Variants in MARCO observed in about 807,000 individuals in gnomAD.
MARCO encodes macrophage receptor with collagenous structure.
A neutral mutation model predicts 70.0 loss-of-function variants in MARCO; 72 were observed. That is an observed-to-expected ratio of 1.03 (90% CI 0.85 to 1.25). The LOEUF (loss-of-function observed/expected upper bound fraction) is 1.25. Among genes scored for constraint, MARCO ranks in the 50% most tolerant of loss-of-function variants. The probability of loss-of-function intolerance (pLI) is 0.00; values close to 1 mark genes in which losing one functional copy is unlikely to be tolerated. For synonymous variants in MARCO, 273 were observed against 243.1 expected, an observed-to-expected ratio of 1.12 and a Z score of -1.14; for missense variants, 696 against 659.3, an observed-to-expected ratio of 1.06 and a Z score of -0.61.
chr2:118,976,461 G>A (rs959455543), intron 6 of MARCO, among the ~76,000 whole-genome samples: 2 of 151,784 alleles, frequency 1.3e-5, no homozygotes, highest in Non-Finnish European at 2.9e-5. Context: ...TTTCCACTTT[G>A]CCTCCTGGAT....
chr2:118,948,501 G>A (rs566861288), intron 1 of MARCO, among the ~76,000 whole-genome samples: 2 of 152,306 alleles, frequency 1.3e-5, no homozygotes, highest in South Asian at 2.1e-4. Context: ...CAGTTACATA[G>A]GCTAGGGCTT....
intron 1 of MARCO, among the ~76,000 whole-genome samples, chr2:118,954,296 T>C (rs983607761): frequency 7.2e-5 from 11 of 152,104 alleles, no homozygotes; most frequent in Admixed American, 5.9e-4. Context: ...GACTGCCAGC[T>C]TTCCCCCACT....
At chr2:118,951,819 C>T (rs533973513) in intron 1 of MARCO, among the ~76,000 whole-genome samples, 36 of 152,096 alleles carry the variant, frequency 2.4e-4, no homozygotes, top group Non-Finnish European at 4.6e-4. Context: ...CTCTGTCTCT[C>T]TCTCTCTTTT....
chr2:118,948,695 T>TCTTGG (rs1679651259), intron 1 of MARCO, among the ~76,000 whole-genome samples: 1 of 152,226 alleles, frequency 6.6e-6, no homozygotes, highest in Non-Finnish European at 1.5e-5. Context: ...GCTTAACATG[T>TCTTGG]CTTGGCTTAG....
chr2:118,958,241 T>A (rs1679875180), intron 1 of MARCO, among the ~76,000 whole-genome samples: 2 of 151,984 alleles, frequency 1.3e-5, no homozygotes, highest in Admixed American at 6.6e-5. Context: ...GACTGCTTAC[T>A]TTGAAAACCT....
At chr2:118,952,369 G>T (rs1355508227) in intron 1 of MARCO, among the ~76,000 whole-genome samples, 2 of 152,128 alleles carry the variant, frequency 1.3e-5, no homozygotes, top group African/African-American at 4.8e-5. Context: ...GGGAGAATTA[G>T]GCCCCTTTTA....
intron 15 of MARCO, 157 bp from the exon 16 acceptor site, chr2:118,992,967 G>T: frequency 2.9e-6 from 2 of 686,914 alleles, no homozygotes; most frequent in Non-Finnish European, 4.9e-6. Context: ...GGTTGGGTTG[G>T]CACTGTAAAG....
rs999683053 is a variant in MARCO at position 118,984,045 on chromosome 2, C to A, written c.1063+1635C>A. ...AGTGGGACAAGCACTCTTTGTAGCA[C>A]AACTTTACGGTCAAACAGCCATTAA... On this transcript the variant is annotated intron_variant, in intron 12 of 16. Coordinates refer to ENST00000327097, the MANE Select transcript of MARCO (RefSeq NM_006770.4). 5.9e-5 allele frequency among the ~76,000 whole-genome samples: 9 copies of A among 152,300 alleles called. No individual in the cohort carries two copies. In the South Asian group the frequency reaches 1.9e-3, roughly 32 times the overall value.
chr2:118,977,216 A>G (rs1573397945), intron 6 of MARCO, among the ~76,000 whole-genome samples: 2 of 150,984 alleles, frequency 1.3e-5, no homozygotes, highest in Admixed American at 1.3e-4. Flanking sequence ...GGACACTTTC[A>G]TGCCATAGCA....
rs1232279605 is a variant in MARCO, at chr2:118,993,129, A to G, written c.1258A>G (p.Asn420Asp). 1 of 1,614,186 alleles carries G rather than the reference A, an allele frequency of 6.2e-7. No homozygotes were observed. The highest frequency in any genetic ancestry group is 1.7e-5 in the Admixed American group (1 of 60,026). The change falls in exon 16 of 17, where the codon AAC (asparagine) becomes GAC (aspartate). Residue 420 changes from asparagine to aspartate, a missense_variant. Asn to Asp is a conservative substitution (Grantham distance 23). Around this residue, in one of 3 missense-constraint regions of MARCO, gnomAD observed 605 missense variants for 537.6 expected, o/e 1.13. Coordinates refer to ENST00000327097, the MANE Select transcript of MARCO (RefSeq NM_006770.4). ...ATGTGTGTTTCTTCACCCAGGTGAA[A>G]ACTCAGTGTCCGTCAGGATTGTCGG... is the stretch of plus-strand genomic sequence containing the variant. ...VKGEKGERGE[N>D]SVSVRIVGSS...
At chr2:118,990,563 C>G (rs200424222) in intron 12 of MARCO, 26 bp from the exon 13 acceptor site, 3 of 1,528,990 alleles carry the variant, frequency 2.0e-6, no homozygotes, top group African/African-American at 2.7e-5. Context: ...ATCTCCTCCC[C>G]CCCCCCTTTT....
At position 118,973,385 on chromosome 2, in the gene MARCO, GTCTCTCTC is replaced by G. The variant is rs145508451; in HGVS notation, c.461-936_461-929del. Reference sequence around the variant, plus strand: ...CAGTCTCTCTCTGTCTCTGACTTCTGTCTCTCTCTCTCTCTCTCTGTCTCTTCCCACTC... The same window carrying G: ...CAGTCTCTCTCTGTCTCTGACTTCTGTCTCTCTCTCTGTCTCTTCCCACTC... On this transcript the variant is annotated intron_variant, in intron 4 of 16. Transcript: ENST00000327097. Among the ~76,000 whole-genome samples the G allele has an allele frequency of 1.5e-3, 230 of 148,634 alleles. 3 individuals carry two copies. The highest frequency in any genetic ancestry group is 5.0e-3 in the African/African-American group (202 of 40,792).
At chr2:118,984,425 A>G (rs1345371734) in intron 12 of MARCO, among the ~76,000 whole-genome samples, 2 of 152,236 alleles carry the variant, frequency 1.3e-5, no homozygotes, top group African/African-American at 2.4e-5. Context: ...TCCAATAATT[A>G]GGCCTAGTGG....
At chr2:118,971,278 G>A (rs1348904449) in intron 3 of MARCO, among the ~76,000 whole-genome samples, 3 of 152,110 alleles carry the variant, frequency 2.0e-5, no homozygotes, top group Non-Finnish European at 4.4e-5. Context: ...AGGTCTCGGG[G>A]TGCAGTCCGC....
At chr2:118,982,029 G>A (rs555377171) in intron 10 of MARCO, 127 bp from the exon 11 acceptor site, 64 of 638,534 alleles carry the variant, frequency 1.0e-4, no homozygotes, top group African/African-American at 9.9e-4. Context: ...AGGTGTTAAA[G>A]CTGCCAAGAG....
intron 1 of MARCO, among the ~76,000 whole-genome samples, chr2:118,945,844 T>G (rs1447291718): frequency 6.6e-6 from 1 of 152,234 alleles, no homozygotes; most frequent in Non-Finnish European, 1.5e-5. Flanking sequence ...TATTGTTGTT[T>G]GTTTTAATTA....
intron 1 of MARCO, among the ~76,000 whole-genome samples, chr2:118,957,138 A>G (rs1573380306): frequency 6.6e-6 from 1 of 152,110 alleles, no homozygotes; most frequent in East Asian, 1.9e-4. Flanking sequence ...AGTAACCAAG[A>G]TCAGAGCAGA....
intron 12 of MARCO, among the ~76,000 whole-genome samples, chr2:118,986,701 G>GAAAGAAAGA (rs1680516641): frequency 1.1e-5 from 1 of 89,268 alleles, no homozygotes; most frequent in Admixed American, 1.1e-4. Context: ...AAGAAAGAAA[G>GAAAGAAAGA]AAAGAAAGAA....
At position 118,981,509 on chromosome 2, in the gene MARCO, T is replaced by A. The variant is rs1680390392; in HGVS notation, c.865+2T>A. 1.2e-6 allele frequency: 2 copies of A among 1,601,478 alleles called. No individual in the cohort carries two copies. Among genetic ancestry groups the A allele is most frequent in the East Asian group, 2.2e-5 (1 of 44,704 alleles). On this transcript the variant is annotated splice_donor_variant, in intron 9 of 16. Transcript: ENST00000327097. LOFTEE classifies it high-confidence loss of function. ...ACTTCGGGAGGCCAGGCCCACCAGG[T>A]AAGAGGGCACGTGGTCACATCCACT...
Sources: allele counts gnomAD v4.1 joint callset (sites outside exome capture counted in the v4.1 genomes callset), GRCh38; gene constraint gnomAD v4.1.1; regional missense constraint gnomAD v4.1.1; transcripts MANE v1.5; gene names NCBI Gene and HGNC (gene_info 2026-07-23, HGNC 2026-07-21).